MSL2: variants seen among roughly 807,000 people sequenced by gnomAD.
The protein encoded by MSL2 is MSL complex subunit 2, also known as E3 ubiquitin-protein ligase MSL2.
In MSL2, 2 loss-of-function variants were observed where a neutral mutation model predicts 35.8. The ratio of observed to expected loss-of-function variants is 0.06; its 90% CI spans 0.02 to 0.18. MSL2 has a LOEUF of 0.18. Among genes scored for constraint, MSL2 ranks in the 10% least tolerant of loss-of-function variants. The probability of loss-of-function intolerance (pLI) is 1.00; values close to 1 mark genes in which losing one functional copy is unlikely to be tolerated. For missense variants in MSL2, 523 were observed against 706.7 expected, an observed-to-expected ratio of 0.74 and a Z score of 2.95; for synonymous variants, 296 against 255.7, an observed-to-expected ratio of 1.16 and a Z score of -1.50.
intron 1 of MSL2, among the ~76,000 whole-genome samples, chr3:136,177,458 A>C (rs565451651): frequency 1.4e-4 from 22 of 152,026 alleles, no homozygotes; most frequent in Non-Finnish European, 2.8e-4. Context: ...GAGGATCATG[A>C]GGTCAGGAGA....
intron 1 of MSL2, among the ~76,000 whole-genome samples, chr3:136,178,132 C>A (rs1486748784): frequency 6.6e-6 from 1 of 152,196 alleles, no homozygotes; most frequent in Non-Finnish European, 1.5e-5. Flanking sequence ...TGCCTCATTT[C>A]ATATTCTGGT....
intron 1 of MSL2, among the ~76,000 whole-genome samples, chr3:136,190,242 A>G (rs1940649098): frequency 6.6e-6 from 1 of 152,118 alleles, no homozygotes; most frequent in Non-Finnish European, 1.5e-5. Flanking sequence ...TCATCTTTCT[A>G]TCTTAGCATC....
At chr3:136,169,223 T>G (rs1939940095) in intron 1 of MSL2, among the ~76,000 whole-genome samples, 1 of 33,736 alleles carries the variant, frequency 3.0e-5, no homozygotes, top group Non-Finnish European at 5.6e-5. Flanking sequence ...TTGTTGTTGT[T>G]GTTTTGGCGG....
At position 136,149,625 on chromosome 3, in the gene MSL2, C is replaced by A. The variant is rs941710879; in HGVS notation, c.*1522G>T. On this transcript the variant is annotated 3_prime_UTR_variant, in exon 2 of 2. Coordinates refer to ENST00000309993, the MANE Select transcript of MSL2 (RefSeq NM_018133.4). The stretch of plus-strand genomic sequence containing the variant: ...AGAAAAAAAAGCCCAACAACAACAA[C>A]AAAAACAACTCTACCTGACCACATT... The A allele has an allele frequency of 2.0e-5, 2 of 102,450 alleles. No individual in the cohort carries two copies. The highest frequency in any genetic ancestry group is 3.8e-5 in the Non-Finnish European group (2 of 51,954). The allele number at this position is 102,450 out of a possible 1,614,324, so 6.3% of individuals were successfully genotyped here. A position where few individuals can be genotyped will look rare whatever the true frequency, so the allele number is the denominator to read the frequency against.
chr3:136,176,999 G>C (rs1252710415), intron 1 of MSL2, among the ~76,000 whole-genome samples: 1 of 152,178 alleles, frequency 6.6e-6, no homozygotes, highest in African/African-American at 2.4e-5. Flanking sequence ...GACAGCACAA[G>C]TTTACCTTTG....
chr3:136,152,891 A>G lies in MSL2; in HGVS notation c.143-153T>C, dbSNP rs1054527042. 12 of 985,334 alleles carry G rather than the reference A, an allele frequency of 1.2e-5. No homozygotes were observed. In the Admixed American group the frequency reaches 4.3e-4, roughly 35 times the overall value. The allele number at this position is 985,334 out of a possible 1,614,324, so 61.0% of individuals were successfully genotyped here. A position where few individuals can be genotyped will look rare whatever the true frequency, so the allele number is the denominator to read the frequency against. The stretch of plus-strand genomic sequence containing the variant: ...GAAAATATATCTTAGAAGAAACGGA[A>G]GAATCTTCAATTAGCTCGCTTGATT... On this transcript the variant is annotated intron_variant, in intron 1 of 1. Transcript: ENST00000309993.
intron 1 of MSL2, among the ~76,000 whole-genome samples, chr3:136,173,316 T>C (rs1032245559): frequency 6.6e-6 from 1 of 152,170 alleles, no homozygotes; most frequent in Non-Finnish European, 1.5e-5. Flanking sequence ...AGACCCAATA[T>C]CGAAGTGCCT....
intron 1 of MSL2, among the ~76,000 whole-genome samples, chr3:136,182,601 A>C (rs566539899): frequency 7.9e-5 from 12 of 152,238 alleles, no homozygotes; most frequent in Non-Finnish European, 7.4e-5. Flanking sequence ...CAGAGCTGGA[A>C]GCCAAGGCAG....
intron 1 of MSL2, among the ~76,000 whole-genome samples, chr3:136,162,506 T>C (rs1221374536): frequency 1.3e-5 from 2 of 151,990 alleles, no homozygotes; most frequent in Non-Finnish European, 2.9e-5. Context: ...GGCTTGAGCC[T>C]GGGCCAGAGG....
At chr3:136,185,622 C>T (rs189712571) in intron 1 of MSL2, among the ~76,000 whole-genome samples, 9 of 151,946 alleles carry the variant, frequency 5.9e-5, no homozygotes, top group South Asian at 2.1e-4. Flanking sequence ...ATGCAACCTT[C>T]GCCTCCTGGG....
intron 1 of MSL2, among the ~76,000 whole-genome samples, chr3:136,174,677 C>A (rs1291231192): frequency 6.6e-6 from 1 of 152,170 alleles, no homozygotes; most frequent in Non-Finnish European, 1.5e-5. Flanking sequence ...AAATTCTCTA[C>A]ACACTAACTT....
At position 136,185,623 on chromosome 3, in the gene MSL2, G is replaced by A. The variant is rs113131950; in HGVS notation, c.142+9349C>T. 8.0e-3 allele frequency among the ~76,000 whole-genome samples: 1,209 copies of A among 151,642 alleles called. 25 individuals are homozygous for A. Among genetic ancestry groups the A allele is most frequent in the African/African-American group, 0.027 (1,097 of 41,354 alleles). On this transcript the variant is annotated intron_variant, in intron 1 of 1. Transcript: ENST00000309993. Reference sequence around the variant, plus strand: ...GCAATCTTGGCTCAATGCAACCTTCGCCTCCTGGGTTCAAGCAATTCTCCT... The same window carrying A: ...GCAATCTTGGCTCAATGCAACCTTCACCTCCTGGGTTCAAGCAATTCTCCT...
intron 1 of MSL2, among the ~76,000 whole-genome samples, chr3:136,164,591 G>A (rs1024872191): frequency 6.6e-6 from 1 of 152,160 alleles, no homozygotes; most frequent in Non-Finnish European, 1.5e-5. Context: ...CTTCTTAGCT[G>A]GGATCACAGT....
chr3:136,162,944 C>G (rs1374446401), intron 1 of MSL2, among the ~76,000 whole-genome samples: 1 of 148,386 alleles, frequency 6.7e-6, no homozygotes, highest in African/African-American at 2.5e-5. Flanking sequence ...GATAAAAAGT[C>G]AATGTTAATG....
Position 136,149,250 on chromosome 3 carries a change from A to G in MSL2, c.*1897T>C, listed in dbSNP as rs1329908304. The stretch of plus-strand genomic sequence containing the variant: ...TATCCTCATCCATGTGTACAATCTC[A>G]TTTCTAATCATTTTTGCAGTGATCA... On this transcript the variant is annotated 3_prime_UTR_variant, in exon 2 of 2. Coordinates refer to ENST00000309993, the MANE Select transcript of MSL2 (RefSeq NM_018133.4). The G allele has an allele frequency of 6.6e-6, 1 of 152,514 alleles. No individual in the cohort carries two copies. The highest frequency in any genetic ancestry group is 1.9e-4 in the East Asian group (1 of 5,194). 9.4% of individuals were successfully genotyped at this position (152,514 alleles called of 1,614,324 possible). A position where few individuals can be genotyped will look rare whatever the true frequency, so the allele number is the denominator to read the frequency against.
Position 136,151,689 on chromosome 3 carries a change from T to C in MSL2, c.1192A>G (p.Ser398Gly). Residue 398 changes from serine to glycine, a missense_variant, in exon 2 of 2, where the codon AGC becomes GGC. Coordinates refer to ENST00000309993, the MANE Select transcript of MSL2 (RefSeq NM_018133.4). This position sits in a 1 kb window ranked among gnomAD's most constrained non-coding sequence, Gnocchi z 5.2. ...VPNGGTTPKISKTVLLSTKSM... is the reference protein window; with the variant it reads ...VPNGGTTPKIGKTVLLSTKSM... ...TTAGTAGATAAAAGTACAGTTTTGC[T>C]GATTTTAGGTGTTGTGCCTCCATTG... The C allele has an allele frequency of 6.2e-7, 1 of 1,614,182 alleles. No homozygotes were observed.
At chr3:136,169,222 T>C (rs962083453) in intron 1 of MSL2, among the ~76,000 whole-genome samples, 3 of 41,794 alleles carry the variant, frequency 7.2e-5, no homozygotes, top group Non-Finnish European at 1.4e-4. Context: ...TTTGTTGTTG[T>C]TGTTTTGGCG....
intron 1 of MSL2, among the ~76,000 whole-genome samples, chr3:136,186,425 G>A (rs551109498): frequency 7.5e-4 from 114 of 152,240 alleles, no homozygotes; most frequent in Middle Eastern, 6.8e-3. Flanking sequence ...GACAGGCTCC[G>A]GTCCTTGGCC....
At chr3:136,187,081 CCA>C (rs1236068028) in intron 1 of MSL2, among the ~76,000 whole-genome samples, 1 of 152,066 alleles carries the variant, frequency 6.6e-6, no homozygotes, top group Non-Finnish European at 1.5e-5. Flanking sequence ...AATGCAGAAC[CCA>C]CAGATACGGA....
Sources: allele counts gnomAD v4.1 joint callset (sites outside exome capture counted in the v4.1 genomes callset), GRCh38; gene constraint gnomAD v4.1.1; non-coding constraint Gnocchi (gnomAD v3.1); transcripts MANE v1.5; gene names NCBI Gene and HGNC (gene_info 2026-07-23, HGNC 2026-07-21).